The following PRKACB variants were observed in gnomAD, a reference collection of about 807,000 sequenced individuals.
PRKACB encodes protein kinase cAMP-activated catalytic subunit beta.
Under a neutral mutation model 51.4 loss-of-function variants are expected in PRKACB, and 16 were observed. The ratio of observed to expected loss-of-function variants is 0.31; its 90% CI spans 0.21 to 0.47. The LOEUF is 0.47. PRKACB is among the 20% of genes least tolerant of loss of function. The probability of loss-of-function intolerance (pLI) is 1.00; values close to 1 mark genes in which losing one functional copy is unlikely to be tolerated. For missense variants in PRKACB, 309 were observed against 464.5 expected, an observed-to-expected ratio of 0.67 and a Z score of 3.08; for synonymous variants, 147 against 154.4, an observed-to-expected ratio of 0.95 and a Z score of 0.35.
intron 9 of PRKACB, among the ~76,000 whole-genome samples, chr1:84,233,458 C>G: frequency 7.5e-6 from 1 of 132,480 alleles, no homozygotes; most frequent in African/African-American, 3.0e-5. Flanking sequence ...TGAATGTTGG[C>G]CTGCCTTGCT....
chr1:84,082,554 G>A (rs1305406356), intron 1 of PRKACB, among the ~76,000 whole-genome samples: 2 of 151,744 alleles, frequency 1.3e-5, no homozygotes, highest in Non-Finnish European at 2.9e-5. Flanking sequence ...CCCAATAGTT[G>A]ATAAAAAAAA....
intron 1 of PRKACB, among the ~76,000 whole-genome samples, chr1:84,099,813 G>A (rs1019734973): frequency 6.6e-6 from 1 of 152,230 alleles, no homozygotes; most frequent in African/African-American, 2.4e-5. Flanking sequence ...CCTATGTAAT[G>A]TATTACTCTT....
chr1:84,109,681 C>T (rs1043092270), intron 1 of PRKACB, among the ~76,000 whole-genome samples: 4 of 151,794 alleles, frequency 2.6e-5, no homozygotes, highest in Admixed American at 6.6e-5. Context: ...CAACTTCATC[C>T]AGTTACTAAG....
chr1:84,164,037 T>C (rs1020382086), intron 1 of PRKACB, among the ~76,000 whole-genome samples: 4 of 152,048 alleles, frequency 2.6e-5, no homozygotes, highest in Non-Finnish European at 4.4e-5. Context: ...AACTTTTTTG[T>C]GTATTATTTT....
intron 9 of PRKACB, among the ~76,000 whole-genome samples, chr1:84,234,232 C>T (rs1676297535): frequency 6.6e-6 from 1 of 152,230 alleles, no homozygotes; most frequent in South Asian, 2.1e-4. Context: ...GCTCAGGGGT[C>T]AGGGGTCAGG....
chr1:84,214,639 C>T (rs979402016), intron 9 of PRKACB, among the ~76,000 whole-genome samples: 1 of 151,844 alleles, frequency 6.6e-6, no homozygotes, highest in African/African-American at 2.4e-5. Flanking sequence ...ACTATGGGTG[C>T]ATGCCATCAC....
At chr1:84,165,077 A>C (rs1656953169) in intron 1 of PRKACB, 5 of 1,297,702 alleles carry the variant, frequency 3.9e-6, no homozygotes, top group Non-Finnish European at 5.3e-6. Flanking sequence ...AGAGGAAAAA[A>C]TATTTTTAAA....
chr1:84,112,246 T>G (rs962338070), intron 1 of PRKACB, among the ~76,000 whole-genome samples: 30 of 146,350 alleles, frequency 2.0e-4, no homozygotes, highest in African/African-American at 7.8e-4. Flanking sequence ...TTTTTTTTTT[T>G]GTTTGATACG....
chr1:84,157,811 A>G (rs375272241), intron 1 of PRKACB, among the ~76,000 whole-genome samples: 1 of 152,198 alleles, frequency 6.6e-6, no homozygotes, highest in East Asian at 1.9e-4. Flanking sequence ...GTTGATGCAC[A>G]TGAGAATTGG....
intron 1 of PRKACB, among the ~76,000 whole-genome samples, chr1:84,168,994 G>A (rs1658476590): frequency 6.6e-6 from 1 of 151,550 alleles, no homozygotes; most frequent in Non-Finnish European, 1.5e-5. Flanking sequence ...ATATGTGTAC[G>A]CTAAATGATG....
intron 1 of PRKACB, among the ~76,000 whole-genome samples, chr1:84,138,596 A>C (rs540059535): frequency 6.6e-6 from 1 of 152,346 alleles, no homozygotes; most frequent in South Asian, 2.1e-4. Context: ...GGGAAATTCT[A>C]CAAAACATTT....
intron 1 of PRKACB, chr1:84,157,236 C>T (rs765953975): frequency 2.0e-5 from 3 of 152,074 alleles, no homozygotes; most frequent in Non-Finnish European, 4.4e-5. Context: ...CTTATGAAGC[C>T]TCAAAAGATT....
At chr1:84,201,551 C>T (rs1478426428) in intron 7 of PRKACB, among the ~76,000 whole-genome samples, 1 of 151,778 alleles carries the variant, frequency 6.6e-6, no homozygotes, top group East Asian at 1.9e-4. Context: ...CCTGTTATAC[C>T]ACTCCTTCCC....
At chr1:84,198,783 CCCA>C (rs1172062656) in intron 7 of PRKACB, among the ~76,000 whole-genome samples, 4 of 149,980 alleles carry the variant, frequency 2.7e-5, no homozygotes, top group Admixed American at 2.0e-4. Flanking sequence ...TATATGTAAT[CCCA>C]CCAACCTAGA....
chr1:84,146,466 T>C (rs755129293), intron 1 of PRKACB, among the ~76,000 whole-genome samples: 9 of 151,908 alleles, frequency 5.9e-5, no homozygotes, highest in Non-Finnish European at 1.2e-4. Flanking sequence ...ATTCCAAGGT[T>C]TATTTTTGTG....
At chr1:84,164,712 A>G in intron 1 of PRKACB, 2 of 1,390,912 alleles carry the variant, frequency 1.4e-6, no homozygotes, top group South Asian at 3.5e-5. Flanking sequence ...GAGTTGTTCT[A>G]GTGGTATATG....
At chr1:84,231,068 G>A (rs1675566721) in intron 9 of PRKACB, among the ~76,000 whole-genome samples, 1 of 148,816 alleles carries the variant, frequency 6.7e-6, no homozygotes, top group Non-Finnish European at 1.5e-5. Context: ...CTGTGGGTTT[G>A]TCATAGATAG....
rs543753117 is a variant in PRKACB, at chr1:84,237,676, A to G, written c.*2371A>G. 2.0e-5 allele frequency: 3 copies of G among 152,350 alleles called. No homozygotes were observed. The highest frequency in any genetic ancestry group is 7.2e-5 in the African/African-American group (3 of 41,596). The allele number at this position is 152,350 out of a possible 1,614,324, so 9.4% of individuals were successfully genotyped here. On this transcript the variant is annotated 3_prime_UTR_variant, in exon 10 of 10. Coordinates refer to ENST00000370685, the MANE Select transcript of PRKACB (RefSeq NM_182948.4). Reference sequence around the variant, plus strand: ...CAGTTTCAGCCACAATTTAGCCAAGAATAAGATAAAAACTTGAATAAGAAG... The same window carrying G: ...CAGTTTCAGCCACAATTTAGCCAAGGATAAGATAAAAACTTGAATAAGAAG...
upstream of PRKACB, among the ~76,000 whole-genome samples, chr1:84,142,163 C>T (rs1571775856): frequency 6.6e-6 from 1 of 152,004 alleles, no homozygotes; most frequent in East Asian, 1.9e-4. Flanking sequence ...GTATGTAATA[C>T]ATGCATTTCA....
Sources: allele counts gnomAD v4.1 joint callset (sites outside exome capture counted in the v4.1 genomes callset), GRCh38; gene constraint gnomAD v4.1.1; transcripts MANE v1.5; gene names NCBI Gene and HGNC (gene_info 2026-07-23, HGNC 2026-07-21).